Variants in SNX30 observed in about 807,000 individuals in gnomAD.
SNX30 encodes sorting nexin family member 30, also known as sorting nexin-30.
In SNX30, 24 loss-of-function variants were observed where a neutral mutation model predicts 46.4. The observed-to-expected ratio is 0.52, with a 90% confidence interval of 0.37 to 0.73. The LOEUF (loss-of-function observed/expected upper bound fraction) is 0.73, where lower values mean the gene tolerates loss of function less well. SNX30 is among the 30% of genes least tolerant of loss of function. The pLI is 0.00. For synonymous variants in SNX30, 189 were observed against 211.5 expected (o/e 0.89, Z 0.92); for missense variants, 533 against 555.7 (o/e 0.96, Z 0.41).
rs1272117249 is a variant in SNX30, at chr9:112,874,859, AATTAGT to A, written c.*6021_*6026del. ...ATAAAAAAATTGTTGTTTACTATGG[AATTAGT>A]ATTACATTTTGAGGTAAACAAAAGA... On this transcript the variant is annotated 3_prime_UTR_variant, in exon 9 of 9. Coordinates refer to ENST00000374232, the MANE Select transcript of SNX30 (RefSeq NM_001012994.2). 1.3e-5 allele frequency: 2 copies of A among 152,114 alleles called. No homozygotes were observed. Among genetic ancestry groups the A allele is most frequent in the Admixed American group, 1.3e-4 (2 of 15,256 alleles). 9.4% of individuals were successfully genotyped at this position (152,114 alleles called of 1,614,324 possible). A position where few individuals can be genotyped will look rare whatever the true frequency, so the allele number is the denominator to read the frequency against.
At chr9:112,840,783 T>C (rs866079504) in intron 6 of SNX30, among the ~76,000 whole-genome samples, 2 of 149,458 alleles carry the variant, frequency 1.3e-5, no homozygotes, top group East Asian at 2.0e-4. Context: ...CTGGCTGATA[T>C]TTCTTTTTTT....
chr9:112,853,291 G>C (rs1364282609), intron 7 of SNX30, among the ~76,000 whole-genome samples: 2 of 152,206 alleles, frequency 1.3e-5, no homozygotes, highest in South Asian at 2.1e-4. Context: ...GCCACAGGCT[G>C]TCAGCCTTTT....
At chr9:112,824,222 A>G (rs1840546866) in intron 3 of SNX30, among the ~76,000 whole-genome samples, 1 of 152,212 alleles carries the variant, frequency 6.6e-6, no homozygotes, top group South Asian at 2.1e-4. Context: ...ATAAACTAAT[A>G]TGGAATATAA....
At chr9:112,824,896 C>T (rs1373054191) in intron 3 of SNX30, among the ~76,000 whole-genome samples, 1 of 152,142 alleles carries the variant, frequency 6.6e-6, no homozygotes, top group Non-Finnish European at 1.5e-5. Context: ...GTACGACCAT[C>T]ACCACCATTG....
At chr9:112,834,978 A>C (rs1289963182) in intron 4 of SNX30, among the ~76,000 whole-genome samples, 1 of 152,174 alleles carries the variant, frequency 6.6e-6, no homozygotes, top group Non-Finnish European at 1.5e-5. Context: ...CTACACTCAG[A>C]TACTATAGAG....
chr9:112,821,621 G>C (rs1840497291), intron 3 of SNX30, among the ~76,000 whole-genome samples: 1 of 151,560 alleles, frequency 6.6e-6, no homozygotes, highest in African/African-American at 2.4e-5. Context: ...CTAGTACCTG[G>C]GACTACAGGC....
Position 112,868,776 on chromosome 9 carries a change from C to G in SNX30, c.1255-8C>G, listed in dbSNP as rs770656776. ...AGCTGATACTGTGTGTGTATGTTGTCGTTCCAGTGCCTCATGGCGTGGGAG... is the reference window on the plus strand; with the variant it reads ...AGCTGATACTGTGTGTGTATGTTGTGGTTCCAGTGCCTCATGGCGTGGGAG... On this transcript the variant is annotated splice_region_variant and splice_polypyrimidine_tract_variant and intron_variant, in intron 8 of 8. Transcript: ENST00000374232. The G allele has an allele frequency of 2.5e-6, 4 of 1,613,944 alleles. No homozygotes were observed. The highest frequency in any genetic ancestry group is 2.2e-5 in the South Asian group (2 of 91,066).
intron 1 of SNX30, among the ~76,000 whole-genome samples, chr9:112,766,825 G>A (rs576054612): frequency 6.6e-6 from 1 of 152,256 alleles, no homozygotes; most frequent in East Asian, 1.9e-4. Flanking sequence ...GTATTTCATT[G>A]TGTATATGTA....
intron 1 of SNX30, among the ~76,000 whole-genome samples, chr9:112,781,335 A>C (rs1234507568): frequency 6.6e-6 from 1 of 152,214 alleles, no homozygotes; most frequent in Non-Finnish European, 1.5e-5. Flanking sequence ...TTAATATGTT[A>C]AAGCAAACAA....
chr9:112,779,411 G>A (rs906664025), intron 1 of SNX30, among the ~76,000 whole-genome samples: 3 of 152,084 alleles, frequency 2.0e-5, no homozygotes, highest in Non-Finnish European at 4.4e-5. Context: ...AGAGGGTTAT[G>A]TTGGACCAGG....
chr9:112,885,713 A>T (rs1203243601), downstream of SNX30: 1 of 152,200 alleles, frequency 6.6e-6, no homozygotes, highest in Non-Finnish European at 1.5e-5. Flanking sequence ...AATGGATTAG[A>T]TGTGGAGATG....
At chr9:112,839,576 C>T (rs1840822053) in intron 6 of SNX30, among the ~76,000 whole-genome samples, 1 of 152,146 alleles carries the variant, frequency 6.6e-6, no homozygotes, top group African/African-American at 2.4e-5. Flanking sequence ...CCCCGGCCTG[C>T]ACATAGACTG....
At chr9:112,780,350 A>G (rs1839826210) in intron 1 of SNX30, among the ~76,000 whole-genome samples, 1 of 152,208 alleles carries the variant, frequency 6.6e-6, no homozygotes, top group Non-Finnish European at 1.5e-5. Context: ...TGAACTGTAT[A>G]CTTAAAAATC....
At chr9:112,814,641 TAAAG>T (rs1400966510) in intron 2 of SNX30, among the ~76,000 whole-genome samples, 1 of 152,190 alleles carries the variant, frequency 6.6e-6, no homozygotes, top group Non-Finnish European at 1.5e-5. Flanking sequence ...CAATAGTAAT[TAAAG>T]AAACAACTGT....
chr9:112,870,369 G>C lies in SNX30; in HGVS notation c.*1526G>C, dbSNP rs1246348410. 1 of 152,226 alleles carries C rather than the reference G, an allele frequency of 6.6e-6. No individual in the cohort carries two copies. The highest frequency in any genetic ancestry group is 1.5e-5 in the Non-Finnish European group (1 of 68,050). The allele number at this position is 152,226 out of a possible 1,614,324, so 9.4% of individuals were successfully genotyped here. On this transcript the variant is annotated 3_prime_UTR_variant, in exon 9 of 9. Coordinates refer to ENST00000374232, the MANE Select transcript of SNX30 (RefSeq NM_001012994.2). ...TACTGGTCAGCGGGCAGCACGTCAA[G>C]GTCACTTAAGCCCACTTTTAACTGC...
At chr9:112,793,861 G>C (rs1044506541) in intron 1 of SNX30, among the ~76,000 whole-genome samples, 1 of 148,298 alleles carries the variant, frequency 6.7e-6, no homozygotes, top group Non-Finnish European at 1.5e-5. Flanking sequence ...GGTGGAAAAA[G>C]GGAGAACGCA....
At chr9:112,820,283 A>G (rs1408903577) in intron 3 of SNX30, among the ~76,000 whole-genome samples, 2 of 145,196 alleles carry the variant, frequency 1.4e-5, no homozygotes, top group South Asian at 2.2e-4. Flanking sequence ...GAGATTTAAT[A>G]TGGGAGAGCC....
At chr9:112,774,824 T>C (rs757797821) in intron 1 of SNX30, among the ~76,000 whole-genome samples, 21 of 151,574 alleles carry the variant, frequency 1.4e-4, no homozygotes, top group Non-Finnish European at 2.9e-4. Flanking sequence ...TATATATATA[T>C]GTTCTGAGTT....
intron 5 of SNX30, among the ~76,000 whole-genome samples, chr9:112,836,676 C>T (rs1840757492): frequency 6.6e-6 from 1 of 152,210 alleles, no homozygotes; most frequent in Non-Finnish European, 1.5e-5. Context: ...CTCTTTTATG[C>T]TCTCTTAACT....
Sources: gnomAD v4.1 joint callset for allele counts (sites outside exome capture counted in the v4.1 genomes callset) on GRCh38, gnomAD v4.1.1 for gene constraint, MANE v1.5 for transcripts, NCBI Gene and HGNC (gene_info 2026-07-23, HGNC 2026-07-21) for gene names.